Variants in SLC18A1 observed in about 807,000 individuals in gnomAD.
The protein encoded by SLC18A1 is chromaffin granule amine transporter.
In SLC18A1, 69 loss-of-function variants were observed where a neutral mutation model predicts 53.7. That is an observed-to-expected ratio of 1.28 (90% CI 1.06 to 1.57). The LOEUF (loss-of-function observed/expected upper bound fraction) is 1.57. SLC18A1 is among the 40% of genes most tolerant of loss of function. SLC18A1 has a pLI of 0.00. For synonymous variants in SLC18A1, 320 were observed against 248.1 expected (o/e 1.29, Z -2.72); for missense variants, 932 against 668.1 (o/e 1.40, Z -4.35).
At position 20,145,499 on chromosome 8, in the gene SLC18A1, A is replaced by C. The variant is rs901260385; in HGVS notation, c.*264T>G. 1.3e-5 allele frequency: 4 copies of C among 302,286 alleles called. No individual in the cohort carries two copies. The South Asian group carries it at 3.9e-4, about 30-fold the overall frequency. 18.7% of individuals were successfully genotyped at this position (302,286 alleles called of 1,614,324 possible). A position where few individuals can be genotyped will look rare whatever the true frequency, so the allele number is the denominator to read the frequency against. ...GCAGAACCCGTCACAGCTCAAGTTT[A>C]ATCAACCTCACAGCAGCGGGAAGGT... is the stretch of plus-strand genomic sequence containing the variant. On this transcript the variant is annotated 3_prime_UTR_variant, in exon 16 of 16. Transcript: ENST00000276373.
At chr8:20,148,342 G>C (rs183998213) in intron 12 of SLC18A1, 6 of 725,172 alleles carry the variant, frequency 8.3e-6, no homozygotes, top group Non-Finnish European at 1.2e-5. Flanking sequence ...CTCAGACTTG[G>C]CTCCATTATG....
intron 10 of SLC18A1, among the ~76,000 whole-genome samples, chr8:20,153,335 G>A (rs2071606299): frequency 6.6e-6 from 1 of 152,160 alleles, no homozygotes; most frequent in Non-Finnish European, 1.5e-5. Context: ...AGGAGTTTCA[G>A]AAGAGTGACA....
rs548309861 is a variant in SLC18A1 at position 20,145,122 on chromosome 8, A to G, written c.*641T>C. On this transcript the variant is annotated 3_prime_UTR_variant, in exon 16 of 16. Coordinates refer to ENST00000276373, the MANE Select transcript of SLC18A1 (RefSeq NM_003053.4). ...GAAGAGAAATGGGCTCCTGTTTCTG[A>G]AAGATAATGAAAATAGAAGACACTT... 1 of 152,270 alleles carries G rather than the reference A, an allele frequency of 6.6e-6. No homozygotes were observed. The highest frequency in any genetic ancestry group is 1.5e-5 in the Non-Finnish European group (1 of 68,026). 9.4% of individuals were successfully genotyped at this position (152,270 alleles called of 1,614,324 possible). A position where few individuals can be genotyped will look rare whatever the true frequency, so the allele number is the denominator to read the frequency against.
At chr8:20,150,796 A>G (rs1385354238) in intron 10 of SLC18A1, 52 bp from the exon 11 acceptor site, 1 of 1,509,390 alleles carries the variant, frequency 6.6e-7, no homozygotes, top group East Asian at 2.3e-5. Flanking sequence ...TTACTCTAAA[A>G]TGCCTTGTCT....
chr8:20,171,873 G>T (rs375757108), intron 6 of SLC18A1, among the ~76,000 whole-genome samples: 41 of 152,330 alleles, frequency 2.7e-4, no homozygotes, highest in African/African-American at 9.6e-4. Context: ...ATCTGGAGGG[G>T]AAGAAGCTTG....
At chr8:20,180,718 T>A in intron 2 of SLC18A1, 123 bp downstream of exon 2, 6 of 1,239,380 alleles carry the variant, frequency 4.8e-6, no homozygotes, top group Non-Finnish European at 6.8e-6. Context: ...ACAACCTCTG[T>A]GTGTTTTTGA....
At chr8:20,148,590 G>T (rs892217472) in intron 12 of SLC18A1, 1 of 623,432 alleles carries the variant, frequency 1.6e-6, no homozygotes. Context: ...AGGTGGTGTG[G>T]CTTGGGTCCC....
At chr8:20,159,297 G>C (rs921765204) in intron 10 of SLC18A1, among the ~76,000 whole-genome samples, 6 of 152,108 alleles carry the variant, frequency 3.9e-5, no homozygotes, top group Admixed American at 3.9e-4. Flanking sequence ...CCTGTTGAGA[G>C]GGGGTACTAA....
intron 10 of SLC18A1, among the ~76,000 whole-genome samples, chr8:20,156,792 TA>T (rs2071693164): frequency 6.6e-6 from 1 of 152,206 alleles, no homozygotes; most frequent in African/African-American, 2.4e-5. Context: ...ACAAATGCCC[TA>T]GTGGGCAAAA....
chr8:20,147,504 A>G (rs1330995488), intron 14 of SLC18A1, 99 bp downstream of exon 14: 10 of 1,583,196 alleles, frequency 6.3e-6, no homozygotes, highest in African/African-American at 1.3e-5. Context: ...TCTCAGCGTC[A>G]AAGATCTCCA....
At chr8:20,170,595 A>G (rs2072087884) in intron 8 of SLC18A1, among the ~76,000 whole-genome samples, 2 of 152,126 alleles carry the variant, frequency 1.3e-5, no homozygotes, top group Non-Finnish European at 2.9e-5. Context: ...GATATTTATT[A>G]ACTGTGACAG....
At chr8:20,155,847 T>C (rs2071669913) in intron 10 of SLC18A1, among the ~76,000 whole-genome samples, 2 of 152,166 alleles carry the variant, frequency 1.3e-5, no homozygotes, top group African/African-American at 4.8e-5. Flanking sequence ...CTGGTGTCCC[T>C]CCCAATTTAG....
In SLC18A1 at chr8:20,166,287, G is replaced by GTGTGTATATATATA. The variant is rs1235212014; in HGVS notation, c.859-1181_859-1180insTATATATATACACA. Among the ~76,000 whole-genome samples, 32 of 78,984 alleles carry GTGTGTATATATATA rather than the reference G, an allele frequency of 4.1e-4. 2 individuals carry two copies. The highest frequency in any genetic ancestry group is 9.3e-4 in the Admixed American group (7 of 7,528). The allele number at this position is 78,984 out of a possible 152,430, so 51.8% of individuals were successfully genotyped here. ...CAAAATTGTGTGTGGGTGTGTGTGT[G>GTGTGTATATATATA]TCTATATATATATATATATATATAT... On this transcript the variant is annotated intron_variant, in intron 8 of 15. Coordinates refer to ENST00000276373, the MANE Select transcript of SLC18A1 (RefSeq NM_003053.4).
At chr8:20,147,771 C>T (rs1343370968) in intron 13 of SLC18A1, 49 bp from the exon 14 acceptor site, 3 of 1,589,100 alleles carry the variant, frequency 1.9e-6, no homozygotes, top group Admixed American at 1.7e-5. Context: ...ACAGTTAGTA[C>T]CACCCCGCCT....
chr8:20,157,133 C>T (rs2071702801), intron 10 of SLC18A1, among the ~76,000 whole-genome samples: 1 of 152,172 alleles, frequency 6.6e-6, no homozygotes, highest in Non-Finnish European at 1.5e-5. Flanking sequence ...CCATAGAGGA[C>T]ACTCTAGGAC....
chr8:20,173,892 T>TTTA (rs1563764396), intron 5 of SLC18A1, among the ~76,000 whole-genome samples: 1 of 121,646 alleles, frequency 8.2e-6, no homozygotes, highest in African/African-American at 3.0e-5. Context: ...CTGTAATTCC[T>TTTA]TTCTTTTTTT....
rs2071427935 is a variant in SLC18A1 at position 20,147,364 on chromosome 8, T to G, written c.1358A>C (p.Lys453Thr). Residue 453 changes from lysine (K) to threonine (T), a missense_variant, in exon 15 of 16, where the codon AAG becomes ACG. Physicochemically the swap from Lys to Thr is moderately conservative, Grantham distance 78 (BLOSUM62 -1). Coordinates refer to ENST00000276373, the MANE Select transcript of SLC18A1 (RefSeq NM_003053.4). ...CATGAGCCAGGGAAAACCGATGGCC[T>G]TTACAATGGCACCACCGGTGGATGG... ...IGPSTGGAIVKAIGFPWLMVI... is the reference protein window; with the variant it reads ...IGPSTGGAIVTAIGFPWLMVI... The G allele has an allele frequency of 6.2e-7, 1 of 1,612,360 alleles. No individual in the cohort carries two copies. The highest frequency in any genetic ancestry group is 1.3e-5 in the African/African-American group (1 of 74,940).
chr8:20,172,688 T>C (rs999182667), intron 6 of SLC18A1, among the ~76,000 whole-genome samples: 4 of 152,064 alleles, frequency 2.6e-5, no homozygotes, highest in African/African-American at 9.7e-5. Flanking sequence ...TCATTCCTGG[T>C]GGTGAGGAAT....
Position 20,171,504 on chromosome 8 carries a change from C to A in SLC18A1, c.725-10G>T. The A allele has an allele frequency of 3.1e-6, 5 of 1,605,056 alleles. No homozygotes were observed. The highest frequency in any genetic ancestry group is 4.3e-6 in the Non-Finnish European group (5 of 1,171,872). ...CCAAAGGGAGCTCCCACTGGAGAGG[C>A]ATAGGAGACACAGATTCCAGAGGTG... is the stretch of plus-strand genomic sequence containing the variant. On this transcript the variant is annotated splice_polypyrimidine_tract_variant and intron_variant, in intron 6 of 15. Coordinates refer to ENST00000276373, the MANE Select transcript of SLC18A1 (RefSeq NM_003053.4).
Sources: allele counts gnomAD v4.1 joint callset (sites outside exome capture counted in the v4.1 genomes callset), GRCh38; gene constraint gnomAD v4.1.1; transcripts MANE v1.5; gene names NCBI Gene and HGNC (gene_info 2026-07-23, HGNC 2026-07-21).